The following RASEF variants were observed in gnomAD, a reference collection of about 807,000 sequenced individuals.
The protein encoded by RASEF is ras and EF-hand domain-containing protein.
RASEF carries 68 observed loss-of-function variants against 90.1 expected under a neutral mutation model. The ratio of observed to expected loss-of-function variants is 0.75; its 90% confidence interval spans 0.62 to 0.92. RASEF has a LOEUF of 0.92. Ranked by LOEUF, RASEF falls within the 40% of genes least tolerant of loss-of-function variation. RASEF has a pLI of 0.00. For missense variants in RASEF, 949 were observed against 937.2 expected (o/e 1.01, Z -0.16); for synonymous variants, 331 against 345.2 (o/e 0.96, Z 0.46).
At chr9:83,198,186 C>A in the RASEF span, among the ~76,000 whole-genome samples, 1 of 152,162 alleles carries the variant, frequency 6.6e-6, no homozygotes, top group East Asian at 1.9e-4. Context: ...GTTTTCCTTG[C>A]AAAATTACCC....
the RASEF span, among the ~76,000 whole-genome samples, chr9:83,196,308 T>C: frequency 6.6e-6 from 1 of 152,142 alleles, no homozygotes; most frequent in Non-Finnish European, 1.5e-5. Context: ...TTCCACCCTT[T>C]GTTGAGTGGC....
the RASEF span, among the ~76,000 whole-genome samples, chr9:83,152,733 C>CAT: frequency 4.3e-5 from 4 of 93,082 alleles, no homozygotes; most frequent in African/African-American, 1.6e-4. Context: ...CACAGACACA[C>CAT]ATACACACAC....
chr9:83,073,910 T>C, the RASEF span, among the ~76,000 whole-genome samples: 1 of 152,232 alleles, frequency 6.6e-6, no homozygotes, highest in South Asian at 2.1e-4. Context: ...AGGTGGTGTT[T>C]GGCATAGAAA....
At chr9:83,179,401 T>C in the RASEF span, among the ~76,000 whole-genome samples, 1 of 152,244 alleles carries the variant, frequency 6.6e-6, no homozygotes, top group East Asian at 1.9e-4. Context: ...CATTTTATGG[T>C]TCAAGCATCA....
rs774008774 is a variant in RASEF at position 82,992,980 on chromosome 9, C to A, written c.1966G>T (p.Ala656Ser). The A allele has an allele frequency of 1.9e-6, 3 of 1,614,010 alleles. No homozygotes were observed. In the South Asian group the frequency reaches 3.3e-5, roughly 18 times the overall value. ...GTAGCAGCAGTGTCACGAATGTCAG[C>A]CTTGTTTCCTACCAGCATAATGGGA... ...TVPIMLVGNK[A>S]DIRDTAATEG... The change falls in exon 15 of 17, where the codon GCT becomes TCT. Residue 656 changes from alanine (A) to serine (S), a missense_variant. By Grantham distance (99) the Ala-to-Ser change is moderately conservative (BLOSUM62 1). Coordinates refer to ENST00000376447, the MANE Select transcript of RASEF (RefSeq NM_152573.4).
the RASEF span, among the ~76,000 whole-genome samples, chr9:83,159,047 G>C: frequency 2.0e-5 from 3 of 151,984 alleles, no homozygotes; most frequent in East Asian, 3.9e-4. Context: ...TTAGCCAGGC[G>C]TGGTGGCAGG....
the RASEF span, among the ~76,000 whole-genome samples, chr9:83,106,465 C>T: frequency 9.2e-5 from 14 of 152,128 alleles, no homozygotes; most frequent in Non-Finnish European, 7.3e-5. Flanking sequence ...CCTCAGTCAC[C>T]ACCATTCCTG....
At position 83,004,713 on chromosome 9, in the gene RASEF, A is replaced by C. The variant is rs1829098439; in HGVS notation, c.1114-127T>G. 4 of 618,474 alleles carry C rather than the reference A, an allele frequency of 6.5e-6. No homozygotes were observed. In the South Asian group the frequency reaches 8.1e-5, roughly 12 times the overall value. The allele number at this position is 618,474 out of a possible 1,614,324, so 38.3% of individuals were successfully genotyped here. On this transcript the variant is annotated intron_variant, in intron 8 of 16. Coordinates refer to ENST00000376447, the MANE Select transcript of RASEF (RefSeq NM_152573.4). ...ACTACTCAAACTTCTAATGTAACTA[A>C]AAGTTTGTTACACTACCTGAGCAAA...
intron 14 of RASEF, among the ~76,000 whole-genome samples, chr9:82,993,528 C>T (rs1049658778): frequency 1.3e-5 from 2 of 152,168 alleles, no homozygotes; most frequent in Non-Finnish European, 2.9e-5. Flanking sequence ...TTCATTATTA[C>T]AGTTATAAAA....
chr9:83,209,604 G>T, the RASEF span, among the ~76,000 whole-genome samples: 1 of 152,220 alleles, frequency 6.6e-6, no homozygotes, highest in Non-Finnish European at 1.5e-5. Context: ...GCTAAAAAAT[G>T]CCTGAATAAT....
chr9:83,116,573 T>C, the RASEF span, among the ~76,000 whole-genome samples: 1 of 152,200 alleles, frequency 6.6e-6, no homozygotes, highest in Admixed American at 6.5e-5. Flanking sequence ...CAAAGTAGTA[T>C]TTATCGAGCA....
the RASEF span, among the ~76,000 whole-genome samples, chr9:83,128,221 T>C: frequency 6.6e-6 from 1 of 152,004 alleles, no homozygotes; most frequent in Non-Finnish European, 1.5e-5. Context: ...TTGAACCACA[T>C]AGTGACAACG....
chr9:83,007,482 T>A lies in RASEF; in HGVS notation c.983A>T (p.Tyr328Phe), dbSNP rs1167611090. The A allele has an allele frequency of 3.3e-5, 54 of 1,613,052 alleles. No individual in the cohort carries two copies. The highest frequency in any genetic ancestry group is 4.6e-5 in the Non-Finnish European group (54 of 1,179,104). ...TERDLEIIRA[Y>F]TEDRNSLERQ... ...CTCAAGACTATTTCGATCTTCTGTGTATGCTCGGATTATTTCCAGATCCCT... is the reference window on the plus strand; with the variant it reads ...CTCAAGACTATTTCGATCTTCTGTGAATGCTCGGATTATTTCCAGATCCCT... Residue 328 changes from tyrosine to phenylalanine, a missense_variant, in exon 7 of 17, where the codon TAC becomes TTC. This residue lies in a region of RASEF where 656 missense variants were observed against 592.2 expected (regional missense o/e 1.11). Transcript: ENST00000376447.
upstream of RASEF, among the ~76,000 whole-genome samples, chr9:83,064,439 T>C (rs1189103442): frequency 1.3e-5 from 2 of 152,256 alleles, no homozygotes; most frequent in African/African-American, 2.4e-5. Flanking sequence ...TGAGCTTATG[T>C]GCTTTCCTGT....
chr9:83,172,150 A>G, the RASEF span, among the ~76,000 whole-genome samples: 1 of 151,362 alleles, frequency 6.6e-6, no homozygotes, highest in African/African-American at 2.4e-5. Flanking sequence ...TTCTTTTTTA[A>G]TTTCTTCATG....
intron 16 of RASEF, among the ~76,000 whole-genome samples, chr9:82,985,755 CAA>C: frequency 6.6e-6 from 1 of 152,140 alleles, no homozygotes; most frequent in Non-Finnish European, 1.5e-5. Context: ...TGCATGGATT[CAA>C]AAGAGACTGA....
chr9:83,137,132 T>A, the RASEF span, among the ~76,000 whole-genome samples: 3 of 152,148 alleles, frequency 2.0e-5, no homozygotes, highest in Non-Finnish European at 4.4e-5. Context: ...TTATCCAATG[T>A]CTGTAATAGC....
At chr9:83,000,718 C>T (rs1367302393) in intron 10 of RASEF, 148 bp from the exon 11 acceptor site, 2 of 905,904 alleles carry the variant, frequency 2.2e-6, no homozygotes, top group African/African-American at 3.4e-5. Flanking sequence ...AATAGAGTGA[C>T]ACTGAATGGC....
intron 1 of RASEF, among the ~76,000 whole-genome samples, chr9:83,053,795 C>G (rs1330726815): frequency 7.3e-6 from 1 of 136,306 alleles, no homozygotes; most frequent in East Asian, 2.2e-4. Flanking sequence ...ATTTCTCCTT[C>G]ACTTATGAAG....
Sources: gnomAD v4.1 joint callset for allele counts (sites outside exome capture counted in the v4.1 genomes callset) on GRCh38, gnomAD v4.1.1 for gene constraint, gnomAD v4.1.1 regional missense constraint, MANE v1.5 for transcripts, NCBI Gene and HGNC (gene_info 2026-07-23, HGNC 2026-07-21) for gene names.